The following ARHGAP21 variants were observed in gnomAD, a reference collection of about 807,000 sequenced individuals.
ARHGAP21 encodes the protein Rho GTPase activating protein 21, also known as rho GTPase-activating protein 21.
In ARHGAP21, 38 loss-of-function variants were observed where a neutral mutation model predicts 164.6. The observed-to-expected ratio is 0.23, with a 90% CI of 0.18 to 0.30. The LOEUF (loss-of-function observed/expected upper bound fraction) is 0.30. Among genes scored for constraint, ARHGAP21 ranks in the 10% least tolerant of loss-of-function variants. ARHGAP21 has a pLI of 1.00. For missense variants in ARHGAP21, 1,822 were observed against 2,370.7 expected (o/e 0.77, Z 4.81); for synonymous variants, 766 against 857.9 (o/e 0.89, Z 1.87).
chr10:24,585,686 T>C lies in ARHGAP21; in HGVS notation c.4603A>G (p.Lys1535Glu). ...CCTGTCTCTTCAAGGTGGGAGGACT[T>C]CTGTGCCAGAAGTGACCTGGGGCTC... The part of the protein sequence containing the change: ...KESPRSLLAQ[K>E]SSHLEETGSD... The change falls in exon 26 of 26, where the codon AAG (lysine) becomes GAG (glutamate). Residue 1535 changes from lysine to glutamate, a missense_variant. Lys to Glu is a moderately conservative substitution (Grantham distance 56, BLOSUM62 1). Coordinates refer to ENST00000396432, the MANE Select transcript of ARHGAP21 (RefSeq NM_020824.4). 1 of 1,614,128 alleles carries C rather than the reference T, an allele frequency of 6.2e-7. No homozygotes were observed. The highest frequency in any genetic ancestry group is 8.5e-7 in the Non-Finnish European group (1 of 1,180,004).
chr10:24,674,070 T>G (rs1270955920), intron 2 of ARHGAP21, among the ~76,000 whole-genome samples: 1 of 151,926 alleles, frequency 6.6e-6, no homozygotes, highest in African/African-American at 2.4e-5. Flanking sequence ...TAAATGAAAC[T>G]TCATCAAAAT....
At chr10:24,688,105 TG>T (rs1249559269) in intron 2 of ARHGAP21, among the ~76,000 whole-genome samples, 1 of 152,314 alleles carries the variant, frequency 6.6e-6, no homozygotes, top group East Asian at 1.9e-4. Context: ...GAATTCAATT[TG>T]GTGGCCAGGT....
intron 2 of ARHGAP21, among the ~76,000 whole-genome samples, chr10:24,678,533 C>T (rs1005923354): frequency 6.6e-6 from 1 of 152,116 alleles, no homozygotes; most frequent in South Asian, 2.1e-4. Flanking sequence ...GACAGTCTTG[C>T]TCTGTGGCCC....
At chr10:24,636,547 C>T (rs1836405779) in intron 4 of ARHGAP21, among the ~76,000 whole-genome samples, 1 of 151,890 alleles carries the variant, frequency 6.6e-6, no homozygotes, top group Non-Finnish European at 1.5e-5. Flanking sequence ...CAATACTGGG[C>T]AAAAAATGAT....
chr10:24,621,048 C>G lies in ARHGAP21; in HGVS notation c.847G>C (p.Asp283His), dbSNP rs1352672578. 6.2e-7 allele frequency: 1 copy of G among 1,613,990 alleles called. No individual in the cohort carries two copies. Among genetic ancestry groups the G allele is most frequent in the South Asian group, 1.1e-5 (1 of 91,074 alleles). Residue 283 changes from aspartate to histidine, a missense_variant, in exon 9 of 26, where the codon GAT becomes CAT. Physicochemically the swap from Asp to His is moderately conservative, Grantham distance 81. Transcript: ENST00000396432. Reference sequence around the variant, plus strand: ...TGGTTGTTTCTATTGGATAACAAATCTACAACCTTCTCAGAAGGCACAATG... The same window carrying G: ...TGGTTGTTTCTATTGGATAACAAATGTACAACCTTCTCAGAAGGCACAATG... ...TVIVPSEKVV[D>H]LLSNRNNHTG...
At chr10:24,586,370 C>G (rs2076101773) in intron 25 of ARHGAP21, among the ~76,000 whole-genome samples, 2 of 152,142 alleles carry the variant, frequency 1.3e-5, no homozygotes, top group Admixed American at 1.3e-4. Context: ...GGAAAATAGT[C>G]TGTGCTTAGT....
intron 2 of ARHGAP21, among the ~76,000 whole-genome samples, chr10:24,680,556 A>T (rs964528272): frequency 2.6e-5 from 4 of 152,204 alleles, no homozygotes; most frequent in African/African-American, 9.7e-5. Flanking sequence ...CTCTCTGCAA[A>T]CTAATTAAGA....
chr10:24,665,733 T>C (rs1840126847), intron 4 of ARHGAP21, among the ~76,000 whole-genome samples: 1 of 152,196 alleles, frequency 6.6e-6, no homozygotes, highest in South Asian at 2.1e-4. Flanking sequence ...ACACTTACAA[T>C]AGATGCAAAT....
In ARHGAP21 at chr10:24,718,058, C is replaced by T. The variant is rs530403365; in HGVS notation, c.63+3779G>A. ...GTTATTGGGAAACTCCGTAGGGAAT[C>T]TGTTTCTGTGGTTCATCAGTGAGAT... is the stretch of plus-strand genomic sequence containing the variant. On this transcript the variant is annotated intron_variant, in intron 2 of 25. Coordinates refer to ENST00000396432, the MANE Select transcript of ARHGAP21 (RefSeq NM_020824.4). Among the ~76,000 whole-genome samples the T allele has an allele frequency of 5.9e-5, 9 of 152,282 alleles. No individual in the cohort carries two copies. In the South Asian group the frequency reaches 8.3e-4, roughly 14 times the overall value.
chr10:24,585,039 G>C lies in ARHGAP21; in HGVS notation c.5250C>G (p.Thr1750=), dbSNP rs952012144. 4 of 1,613,754 alleles carry C rather than the reference G, an allele frequency of 2.5e-6. No individual in the cohort carries two copies. In the South Asian group the frequency reaches 4.4e-5, roughly 18 times the overall value. ...GTTCCTGTTTTTCGGATTCGCCTCTGGTGGGTGTCAGTAAACTCCCAGTTG... is the reference window on the plus strand; with the variant it reads ...GTTCCTGTTTTTCGGATTCGCCTCTCGTGGGTGTCAGTAAACTCCCAGTTG... ...GKSTGSLLTP[T]RGESEKQEPT... The change falls in exon 26 of 26, where the codon ACC becomes ACG. Residue 1750 remains threonine (T), a synonymous_variant. Coordinates refer to ENST00000396432, the MANE Select transcript of ARHGAP21 (RefSeq NM_020824.4).
At chr10:24,712,438 G>A (rs778080880) in intron 2 of ARHGAP21, among the ~76,000 whole-genome samples, 35 of 152,146 alleles carry the variant, frequency 2.3e-4, no homozygotes, top group Non-Finnish European at 5.0e-4. Flanking sequence ...GCATGCTCAA[G>A]TTCCTAATAT....
At chr10:24,655,360 C>T (rs1237068906) in intron 4 of ARHGAP21, among the ~76,000 whole-genome samples, 6 of 152,200 alleles carry the variant, frequency 3.9e-5, no homozygotes, top group African/African-American at 9.6e-5. Context: ...GAAATTTTTA[C>T]AATCTACCCA....
chr10:24,664,265 G>A (rs899953986), intron 4 of ARHGAP21, among the ~76,000 whole-genome samples: 2 of 152,042 alleles, frequency 1.3e-5, no homozygotes, highest in South Asian at 4.2e-4. Flanking sequence ...GTCAATAACA[G>A]TATAGGACCG....
intron 7 of ARHGAP21, chr10:24,628,896 TACATATATAC>T (rs1331760643): frequency 4.4e-4 from 40 of 90,488 alleles, no homozygotes; most frequent in East Asian, 1.1e-3. Flanking sequence ...TATATATACA[TACATATATAC>T]ACATATATAC....
intron 2 of ARHGAP21, among the ~76,000 whole-genome samples, chr10:24,692,669 T>C (rs1004773906): frequency 2.6e-5 from 4 of 151,884 alleles, no homozygotes; most frequent in African/African-American, 4.8e-5. Flanking sequence ...CCATCTCTAC[T>C]AAAAATACAA....
intron 4 of ARHGAP21, among the ~76,000 whole-genome samples, chr10:24,656,135 C>T (rs1380770407): frequency 5.6e-5 from 8 of 142,258 alleles, no homozygotes; most frequent in Non-Finnish European, 1.2e-4. Context: ...TGTCTCCGCC[C>T]GGCAGCCACC....
At chr10:24,666,358 T>C (rs1353457682) in intron 4 of ARHGAP21, among the ~76,000 whole-genome samples, 1 of 152,216 alleles carries the variant, frequency 6.6e-6, no homozygotes, top group African/African-American at 2.4e-5. Context: ...TTTTTAACAC[T>C]AGGGAAAGTA....
Position 24,620,668 on chromosome 10 carries a change from T to C in ARHGAP21, c.1227A>G (p.Gln409=). 1.2e-6 allele frequency: 2 copies of C among 1,614,220 alleles called. No homozygotes were observed. The highest frequency in any genetic ancestry group is 1.7e-6 in the Non-Finnish European group (2 of 1,180,044). ...CTGCTCTTAAACTATCTAATCTTTC[T>C]TGTATTGTCCGACAACCTATGTGCA... ...RRLHIGCRTI[Q]ERLDSLRAAS... The change falls in exon 9 of 26, where the codon CAA becomes CAG. Residue 409 remains glutamine (Q), a synonymous_variant. Transcript: ENST00000396432.
intron 2 of ARHGAP21, among the ~76,000 whole-genome samples, chr10:24,673,914 A>G (rs906442303): frequency 1.3e-5 from 2 of 152,174 alleles, no homozygotes; most frequent in African/African-American, 4.8e-5. Flanking sequence ...ACTTAAAACT[A>G]TGAAACTTCT....
Sources: gnomAD v4.1 joint callset for allele counts (sites outside exome capture counted in the v4.1 genomes callset) on GRCh38, gnomAD v4.1.1 for gene constraint, MANE v1.5 for transcripts, NCBI Gene and HGNC (gene_info 2026-07-23, HGNC 2026-07-21) for gene names.